Variants in TAFA1 observed in about 807,000 individuals in gnomAD.
The protein encoded by TAFA1 is chemokine-like protein TAFA-1.
TAFA1 carries 4 observed loss-of-function variants against 18.5 expected under a neutral mutation model. That is an observed-to-expected ratio of 0.22 (90% CI 0.11 to 0.49). The LOEUF (loss-of-function observed/expected upper bound fraction) is 0.49. Ranked by LOEUF, TAFA1 falls within the 20% of genes least tolerant of loss-of-function variation. The probability of loss-of-function intolerance (pLI) is 0.98; values close to 1 mark genes in which losing one functional copy is unlikely to be tolerated. For synonymous variants in TAFA1, 56 were observed against 55.2 expected (o/e 1.01, Z -0.06); for missense variants, 147 against 169.0 (o/e 0.87, Z 0.72).
intron 2 of TAFA1, among the ~76,000 whole-genome samples, chr3:68,015,263 A>AT: frequency 6.8e-6 from 1 of 147,970 alleles, no homozygotes; most frequent in East Asian, 2.1e-4. Flanking sequence ...CTAAAAATCA[A>AT]TTAATTTTCT....
chr3:68,205,577 T>G (rs1201031179), intron 2 of TAFA1, among the ~76,000 whole-genome samples: 2 of 151,878 alleles, frequency 1.3e-5, no homozygotes, highest in Non-Finnish European at 2.9e-5. Flanking sequence ...GCGACAAAAG[T>G]GGACTGAGCA....
intron 2 of TAFA1, among the ~76,000 whole-genome samples, chr3:68,119,763 G>A (rs1559527320): frequency 6.6e-6 from 1 of 152,140 alleles, no homozygotes; most frequent in African/African-American, 2.4e-5. Context: ...GTACCACACT[G>A]TTTTTACCAC....
At position 68,544,583 on chromosome 3, in the gene TAFA1, C is replaced by T; in HGVS notation, c.*80C>T. ...GAATCTCAAACATCTCACATATATA[C>T]AAGCCAAATGGATTTCTTACTTGCA... On this transcript the variant is annotated 3_prime_UTR_variant, in exon 5 of 5. Transcript: ENST00000478136. 1 of 1,416,748 alleles carries T rather than the reference C, an allele frequency of 7.1e-7. No homozygotes were observed. Among genetic ancestry groups the T allele is most frequent in the Non-Finnish European group, 9.9e-7 (1 of 1,008,340 alleles). The allele number at this position is 1,416,748 out of a possible 1,614,324, so 87.8% of individuals were successfully genotyped here. A position where few individuals can be genotyped will look rare whatever the true frequency, so the allele number is the denominator to read the frequency against.
chr3:68,019,529 T>C (rs1318184882), intron 2 of TAFA1, among the ~76,000 whole-genome samples: 1 of 152,232 alleles, frequency 6.6e-6, no homozygotes, highest in Non-Finnish European at 1.5e-5. Flanking sequence ...TTTCATAAGA[T>C]TGTTTGGCAT....
intron 3 of TAFA1, among the ~76,000 whole-genome samples, chr3:68,436,344 T>C (rs1483993213): frequency 2.0e-5 from 3 of 152,102 alleles, no homozygotes; most frequent in Non-Finnish European, 4.4e-5. Context: ...TGTTAATAAG[T>C]AAAAAGATTT....
At chr3:68,126,714 G>T (rs2065469117) in intron 2 of TAFA1, among the ~76,000 whole-genome samples, 1 of 152,170 alleles carries the variant, frequency 6.6e-6, no homozygotes, top group South Asian at 2.1e-4. Context: ...CAATATTTGG[G>T]CACAATAAGG....
intron 2 of TAFA1, among the ~76,000 whole-genome samples, chr3:68,332,126 G>A (rs1420970835): frequency 6.6e-6 from 1 of 151,676 alleles, no homozygotes; most frequent in Non-Finnish European, 1.5e-5. Context: ...GCCTCCCAAA[G>A]TGCTGAGATT....
At chr3:68,120,757 T>C (rs1480433232) in intron 2 of TAFA1, among the ~76,000 whole-genome samples, 1 of 152,210 alleles carries the variant, frequency 6.6e-6, no homozygotes, top group African/African-American at 2.4e-5. Context: ...TGTTTTCTCA[T>C]GAGTCTTTGG....
At chr3:68,103,227 C>A (rs568821380) in intron 2 of TAFA1, among the ~76,000 whole-genome samples, 1 of 152,172 alleles carries the variant, frequency 6.6e-6, no homozygotes, top group African/African-American at 2.4e-5. Context: ...AGTGTTGAGG[C>A]AGATTTGGTT....
chr3:68,388,180 A>C (rs1251515202), intron 2 of TAFA1, among the ~76,000 whole-genome samples: 2 of 152,156 alleles, frequency 1.3e-5, no homozygotes, highest in Non-Finnish European at 2.9e-5. Context: ...ATGAAGAAAA[A>C]TAACAATTTT....
At chr3:68,215,995 A>G (rs2066652306) in intron 2 of TAFA1, among the ~76,000 whole-genome samples, 1 of 152,110 alleles carries the variant, frequency 6.6e-6, no homozygotes, top group Non-Finnish European at 1.5e-5. Flanking sequence ...TAAATGAGCT[A>G]TCAAGCCATA....
At chr3:68,419,571 A>G (rs2070915574) in intron 3 of TAFA1, among the ~76,000 whole-genome samples, 1 of 152,182 alleles carries the variant, frequency 6.6e-6, no homozygotes, top group African/African-American at 2.4e-5. Context: ...AGCTGGGTGT[A>G]AGTTGATTTT....
chr3:68,035,637 T>G (rs544676093), intron 2 of TAFA1, among the ~76,000 whole-genome samples: 1 of 152,274 alleles, frequency 6.6e-6, no homozygotes, highest in Non-Finnish European at 1.5e-5. Flanking sequence ...TCTTATCAAA[T>G]TAAACATACA....
intron 2 of TAFA1, among the ~76,000 whole-genome samples, chr3:68,339,102 T>C (rs2069034062): frequency 6.6e-6 from 1 of 152,188 alleles, no homozygotes; most frequent in East Asian, 1.9e-4. Context: ...AAAACCAATA[T>C]CAGTGTGATG....
intron 3 of TAFA1, among the ~76,000 whole-genome samples, chr3:68,468,176 T>C (rs552543389): frequency 3.9e-4 from 59 of 152,280 alleles, no homozygotes; most frequent in African/African-American, 1.4e-3. Context: ...TTTGACTATT[T>C]TAAGGATATG....
chr3:68,133,495 A>T (rs1189061613), intron 2 of TAFA1, among the ~76,000 whole-genome samples: 1 of 152,148 alleles, frequency 6.6e-6, no homozygotes, highest in Non-Finnish European at 1.5e-5. Context: ...CTTCTGATCC[A>T]TGAACATGGA....
intron 2 of TAFA1, among the ~76,000 whole-genome samples, chr3:68,187,939 A>T (rs918881439): frequency 4.6e-5 from 7 of 151,864 alleles, no homozygotes; most frequent in African/African-American, 1.4e-4. Flanking sequence ...TTGCATGATT[A>T]TTTGCCATTG....
At chr3:68,341,314 GTCT>G (rs2069078501) in intron 2 of TAFA1, among the ~76,000 whole-genome samples, 1 of 152,138 alleles carries the variant, frequency 6.6e-6, no homozygotes, top group Non-Finnish European at 1.5e-5. Context: ...TTTTCTTGCT[GTCT>G]TCTTTTCATA....
chr3:68,231,606 C>T (rs1025762327), intron 2 of TAFA1, among the ~76,000 whole-genome samples: 11 of 151,046 alleles, frequency 7.3e-5, no homozygotes, highest in Non-Finnish European at 1.3e-4. Flanking sequence ...ATGATCCACC[C>T]GCCTCGGCCT....
Sources: allele counts gnomAD v4.1 joint callset (sites outside exome capture counted in the v4.1 genomes callset), GRCh38; gene constraint gnomAD v4.1.1; transcripts MANE v1.5; gene names NCBI Gene and HGNC (gene_info 2026-07-23, HGNC 2026-07-21).